Variants in TSR2 observed in about 807,000 individuals in gnomAD.
TSR2 encodes the protein TSR2 ribosome maturation factor, also known as pre-rRNA-processing protein TSR2 homolog.
TSR2 carries 1 observed loss-of-function variant against 13.3 expected under a neutral mutation model. The observed-to-expected ratio is 0.08, with a 90% CI of 0.03 to 0.36. The LOEUF is 0.36. TSR2 is among the 10% of genes least tolerant of loss of function. TSR2 has a pLI of 0.99. For missense variants in TSR2, 120 were observed against 151.1 expected (o/e 0.79, Z 1.08); for synonymous variants, 60 against 57.7 (o/e 1.04, Z -0.18).
chrX:54,441,126 GCA>G (rs1218730378), intron 2 of TSR2, among the ~76,000 whole-genome samples: 2 of 112,429 alleles, frequency 1.8e-5, no homozygotes, highest in African/African-American at 6.5e-5. Flanking sequence ...AAAGCAAAAA[GCA>G]GATGAAATCA....
Sources: allele counts gnomAD v4.1 joint callset (sites outside exome capture counted in the v4.1 genomes callset), GRCh38; gene constraint gnomAD v4.1.1; transcripts MANE v1.5; gene names NCBI Gene and HGNC (gene_info 2026-07-23, HGNC 2026-07-21).